The following VPS13D variants were observed in gnomAD, a reference collection of about 807,000 sequenced individuals.
VPS13D encodes vacuolar protein sorting 13 homolog D.
VPS13D carries 187 observed loss-of-function variants against 461.9 expected under a neutral mutation model. That is an observed-to-expected ratio of 0.40 (90% CI 0.36 to 0.46). VPS13D has a LOEUF of 0.46. VPS13D is among the 20% of genes least tolerant of loss of function. The pLI is 0.60. For missense variants in VPS13D, 4,711 were observed against 5,364.9 expected (o/e 0.88, Z 3.81); for synonymous variants, 1,951 against 1,986.3 (o/e 0.98, Z 0.47).
intron 63 of VPS13D, among the ~76,000 whole-genome samples, chr1:12,411,635 A>T (rs1644731635): frequency 6.6e-6 from 1 of 152,236 alleles, no homozygotes; most frequent in Non-Finnish European, 1.5e-5. Context: ...GCAGTGGTTT[A>T]AAACAACCAC....
intron 67 of VPS13D, among the ~76,000 whole-genome samples, chr1:12,464,108 C>T (rs950333707): frequency 6.6e-6 from 1 of 152,212 alleles, no homozygotes; most frequent in African/African-American, 2.4e-5. Flanking sequence ...CTAACACTAT[C>T]ACCGAGGGAT....
chr1:12,459,482 C>CTT (rs869264869), intron 66 of VPS13D, among the ~76,000 whole-genome samples: 1,417 of 131,324 alleles, frequency 0.011, 28 homozygotes, highest in African/African-American at 0.035. Flanking sequence ...CTTTTCTTTT[C>CTT]TTTTTTTTTT....
intron 67 of VPS13D, among the ~76,000 whole-genome samples, chr1:12,466,927 T>C (rs1570234290): frequency 6.6e-6 from 1 of 152,204 alleles, no homozygotes; most frequent in South Asian, 2.1e-4. Context: ...ACAGTAGATA[T>C]AGTGACAGTC....
intron 1 of VPS13D, among the ~76,000 whole-genome samples, chr1:12,232,426 G>A (rs1212314776): frequency 1.3e-5 from 2 of 152,130 alleles, no homozygotes; most frequent in Admixed American, 6.6e-5. Flanking sequence ...GCTTGGAGAG[G>A]ATCCTGAAAG....
At position 12,345,311 on chromosome 1, in the gene VPS13D, C is replaced by T. The variant is rs1007697596; in HGVS notation, c.8886-63C>T. ...GTACTAAATCAGATTTGTGTCTTTG[C>T]TTCTACTTTTCATCCCTTCTGGAGA... On this transcript the variant is annotated intron_variant, in intron 42 of 69. Transcript: ENST00000620676. 3.9e-6 allele frequency: 6 copies of T among 1,537,140 alleles called. No homozygotes were observed. The African/African-American group carries it at 4.1e-5, about 11-fold the overall frequency.
At chr1:12,230,939 C>G (rs954092226) in intron 1 of VPS13D, among the ~76,000 whole-genome samples, 2 of 152,136 alleles carry the variant, frequency 1.3e-5, no homozygotes, top group Non-Finnish European at 2.9e-5. Flanking sequence ...CGTCGCCTTC[C>G]GGGCAGTGCC....
chr1:12,456,279 G>A, intron 66 of VPS13D, 149 bp downstream of exon 66: 1 of 1,197,368 alleles, frequency 8.4e-7, no homozygotes, highest in Non-Finnish European at 1.1e-6. Flanking sequence ...CTAGGAGAGT[G>A]GATCATGAGG....
chr1:12,409,847 C>G (rs981796534), intron 63 of VPS13D: 4 of 455,692 alleles, frequency 8.8e-6, no homozygotes, highest in African/African-American at 8.0e-5. Flanking sequence ...ACCAAAACAG[C>G]CAGGACTGGA....
At chr1:12,398,253 C>A (rs1291572186) in intron 60 of VPS13D, among the ~76,000 whole-genome samples, 1 of 152,188 alleles carries the variant, frequency 6.6e-6, no homozygotes, top group Non-Finnish European at 1.5e-5. Flanking sequence ...GAAATCCCTG[C>A]AATACAATGG....
chr1:12,260,791 A>G lies in VPS13D; in HGVS notation c.1209A>G (p.Ala403=). Residue 403 remains alanine (A), a synonymous_variant, in exon 11 of 70, where the codon GCA becomes GCG. Transcript: ENST00000620676. ...HDRFHKQEEL[A]ESLREPQFDS... is the part of the protein sequence containing the mutation. Reference sequence around the variant, plus strand: ...GATTTCACAAACAGGAAGAACTAGCAGAGGTAAGAAATCCTCTACAAGAGG... The same window carrying G: ...GATTTCACAAACAGGAAGAACTAGCGGAGGTAAGAAATCCTCTACAAGAGG... 1 of 1,614,174 alleles carries G rather than the reference A, an allele frequency of 6.2e-7. No individual in the cohort carries two copies.
chr1:12,416,921 T>C, intron 65 of VPS13D, 94 bp downstream of exon 65: 1 of 1,355,046 alleles, frequency 7.4e-7, no homozygotes, highest in Non-Finnish European at 9.8e-7. Context: ...TGTGAAAAGT[T>C]ATATTCATGG....
chr1:12,311,126 G>C (rs1642737001), intron 27 of VPS13D, among the ~76,000 whole-genome samples: 1 of 151,826 alleles, frequency 6.6e-6, no homozygotes, highest in Admixed American at 6.6e-5. Context: ...ATGTTGTCCA[G>C]GCTGGTCTCG....
At chr1:12,272,183 T>C (rs1021902052) in intron 17 of VPS13D, among the ~76,000 whole-genome samples, 1 of 152,178 alleles carries the variant, frequency 6.6e-6, no homozygotes, top group African/African-American at 2.4e-5. Context: ...AGACCTTGTC[T>C]CAAGAAATCA....
chr1:12,232,487 A>T (rs1640009961), intron 1 of VPS13D, among the ~76,000 whole-genome samples: 1 of 152,200 alleles, frequency 6.6e-6, no homozygotes, highest in South Asian at 2.1e-4. Flanking sequence ...AGTGCCTGGC[A>T]GGGTGGCTGA....
intron 22 of VPS13D, among the ~76,000 whole-genome samples, chr1:12,288,985 G>A (rs559047092): frequency 6.6e-6 from 1 of 152,246 alleles, no homozygotes; most frequent in South Asian, 2.1e-4. Context: ...GGAATTACAG[G>A]TGCATGCCAC....
At chr1:12,339,118 A>AT (rs1430870246) in intron 40 of VPS13D, among the ~76,000 whole-genome samples, 4 of 151,948 alleles carry the variant, frequency 2.6e-5, no homozygotes, top group Non-Finnish European at 4.4e-5. Context: ...TTTCTGGACA[A>AT]TTTTACCAGG....
chr1:12,247,567 T>C (rs1411708031), intron 5 of VPS13D, among the ~76,000 whole-genome samples: 1 of 152,126 alleles, frequency 6.6e-6, no homozygotes, highest in Non-Finnish European at 1.5e-5. Context: ...TACTAGTGGG[T>C]GTGAAATGAT....
At chr1:12,372,496 A>G (rs1557739574) in intron 54 of VPS13D, among the ~76,000 whole-genome samples, 2 of 152,050 alleles carry the variant, frequency 1.3e-5, no homozygotes, top group African/African-American at 4.8e-5. Context: ...CTTATTAGTC[A>G]TTTGTGTATA....
In VPS13D at chr1:12,416,701, T is replaced by G. The variant is rs1442956395; in HGVS notation, c.12207T>G (p.Asp4069Glu). 1 of 1,613,954 alleles carries G rather than the reference T, an allele frequency of 6.2e-7. No individual in the cohort carries two copies. The highest frequency in any genetic ancestry group is 1.3e-5 in the African/African-American group (1 of 74,892). ...CAGCTCGAATCCTGGGATCAGTGGA[T>G]TTTCTTGGCAATCCTATGGGGCTTT... ...SQAARILGSV[D>E]FLGNPMGLLN... Residue 4069 changes from aspartate (D) to glutamate (E), a missense_variant, in exon 65 of 70, where the codon GAT (aspartate) becomes GAG (glutamate). By Grantham distance (45) the Asp-to-Glu change is conservative (BLOSUM62 2). Coordinates refer to ENST00000620676, the MANE Select transcript of VPS13D (RefSeq NM_015378.4).
Sources: allele counts gnomAD v4.1 joint callset (sites outside exome capture counted in the v4.1 genomes callset), GRCh38; gene constraint gnomAD v4.1.1; transcripts MANE v1.5; gene names NCBI Gene and HGNC (gene_info 2026-07-23, HGNC 2026-07-21).